Variants in GSX2 observed in about 807,000 individuals in gnomAD.
The protein encoded by GSX2 is genetic-screened homeobox 2.
A neutral mutation model predicts 19.2 loss-of-function variants in GSX2; 16 were observed. The ratio of observed to expected loss-of-function variants is 0.84; its 90% CI spans 0.57 to 1.27. GSX2 has a LOEUF of 1.27. GSX2 is among the 50% of genes most tolerant of loss of function. The pLI is 0.00. For missense variants in GSX2, 448 were observed against 428.4 expected (o/e 1.05, Z -0.40); for synonymous variants, 217 against 196.4 (o/e 1.10, Z -0.88).
chr4:54,100,592 C>A lies in GSX2; in HGVS notation c.248C>A (p.Ala83Glu). ...TCTGTGGGCGCCGGCAGCGGGGGCG[C>A]AGGGGCCGGGGTTACCGGGGCCGGA... ...RGSVGAGSGG[A>E]GAGVTGAGGS... The change falls in exon 1 of 2, where the codon GCA (alanine) becomes GAA (glutamate). Residue 83 changes from alanine (A) to glutamate (E), a missense_variant. Coordinates refer to ENST00000326902, the MANE Select transcript of GSX2 (RefSeq NM_133267.3). 1 of 1,569,576 alleles carries A rather than the reference C, an allele frequency of 6.4e-7. No individual in the cohort carries two copies. The highest frequency in any genetic ancestry group is 1.4e-5 in the African/African-American group (1 of 73,946).
Position 54,100,806 on chromosome 4 carries a change from A to AGCGGCGGCG in GSX2, c.468_476dup (p.Ala160_Ala162dup). On this transcript the variant is annotated inframe_insertion, in exon 1 of 2. Transcript: ENST00000326902. The stretch of plus-strand genomic sequence containing the variant: ...CGGCCGCGGCGGCGGCAGCAGCAGC[A>AGCGGCGGCG]GCGGCGGCGGCGGCCGCGGCGGCCT... 3 of 1,453,232 alleles carry AGCGGCGGCG rather than the reference A, an allele frequency of 2.1e-6. No homozygotes were observed. Among genetic ancestry groups the AGCGGCGGCG allele is most frequent in the Admixed American group, 6.6e-5 (2 of 30,210 alleles). The allele number at this position is 1,453,232 out of a possible 1,614,324, so 90.0% of individuals were successfully genotyped here.
At chr4:54,100,950 G>T (rs1480099915) in intron 1 of GSX2, 32 bp downstream of exon 1, 6 of 1,514,676 alleles carry the variant, frequency 4.0e-6, no homozygotes, top group Non-Finnish European at 5.3e-6. Flanking sequence ...CCTGCGCTCC[G>T]CGCCTTTCGC....
chr4:54,102,110 G>A lies in GSX2; in HGVS notation c.*188G>A. 5.3e-6 allele frequency: 3 copies of A among 562,060 alleles called. No individual in the cohort carries two copies. Among genetic ancestry groups the A allele is most frequent in the Non-Finnish European group, 6.3e-6 (2 of 319,396 alleles). 34.8% of individuals were successfully genotyped at this position (562,060 alleles called of 1,614,324 possible). On this transcript the variant is annotated 3_prime_UTR_variant, in exon 2 of 2. Coordinates refer to ENST00000326902, the MANE Select transcript of GSX2 (RefSeq NM_133267.3). Reference sequence around the variant, plus strand: ...GTCTCCTTCTTGACCTGTTTATCTAGGACTCCAACTTGAAGTTACAGATTT... The same window carrying A: ...GTCTCCTTCTTGACCTGTTTATCTAAGACTCCAACTTGAAGTTACAGATTT...
rs1250768323 is a variant in GSX2 at position 54,100,879 on chromosome 4, A to C, written c.535A>C (p.Asn179His). ...ACCTGTCTGCACCGCCACCACCTACAACGTGGCGGACCCGCGGAGATTCCA... is the reference window on the plus strand; with the variant it reads ...ACCTGTCTGCACCGCCACCACCTACCACGTGGCGGACCCGCGGAGATTCCA... ...HAPVCTATTY[N>H]VADPRRFHCL... Residue 179 changes from asparagine to histidine, a missense_variant, in exon 1 of 2, where the codon AAC (asparagine) becomes CAC (histidine). Physicochemically the swap from Asn to His is moderately conservative, Grantham distance 68. Coordinates refer to ENST00000326902, the MANE Select transcript of GSX2 (RefSeq NM_133267.3). The C allele has an allele frequency of 2.5e-6, 4 of 1,573,390 alleles. No individual in the cohort carries two copies. Among genetic ancestry groups the C allele is most frequent in the Non-Finnish European group, 3.4e-6 (4 of 1,167,028 alleles).
Position 54,101,889 on chromosome 4 carries a change from A to G in GSX2, c.882A>G (p.Ser294=), listed in dbSNP as rs1718182524. 6.2e-7 allele frequency: 1 copy of G among 1,611,704 alleles called. No homozygotes were observed. The highest frequency in any genetic ancestry group is 8.5e-7 in the Non-Finnish European group (1 of 1,178,258). ...ATGAGGACTCCCTGTCGCCGGCCTC[A>G]GCCAACGATGACAAGGAGATTTCCC... ...SEDEDSLSPA[S]ANDDKEISPL is the part of the protein sequence containing the mutation. The change falls in exon 2 of 2, where the codon TCA becomes TCG. Residue 294 remains serine (S), a synonymous_variant. Coordinates refer to ENST00000326902, the MANE Select transcript of GSX2 (RefSeq NM_133267.3). This position sits in a 1 kb window ranked among gnomAD's most constrained non-coding sequence, Gnocchi z 5.0.
rs1006369061 is a variant in GSX2, at chr4:54,101,844, G to A, written c.837G>A (p.Val279=). ...HAGCKCVGSQ[V]HYARSEDEDS... Reference sequence around the variant, plus strand: ...GCTGCAAGTGCGTCGGGAGCCAGGTGCACTACGCGCGCTCCGAGGATGAGG... The same window carrying A: ...GCTGCAAGTGCGTCGGGAGCCAGGTACACTACGCGCGCTCCGAGGATGAGG... The change falls in exon 2 of 2, where the codon GTG becomes GTA. Residue 279 remains valine (V), a synonymous_variant. Transcript: ENST00000326902. This position sits in a 1 kb window ranked among gnomAD's most constrained non-coding sequence, Gnocchi z 5.0. The A allele has an allele frequency of 3.7e-6, 6 of 1,614,176 alleles. No homozygotes were observed. The highest frequency in any genetic ancestry group is 5.1e-6 in the Non-Finnish European group (6 of 1,180,028).
At position 54,100,845 on chromosome 4, in the gene GSX2, G is replaced by A. The variant is rs1455118007; in HGVS notation, c.501G>A (p.Gln167=). The change falls in exon 1 of 2, where the codon CAG becomes CAA. Residue 167 remains glutamine, a synonymous_variant. Coordinates refer to ENST00000326902, the MANE Select transcript of GSX2 (RefSeq NM_133267.3). Reference sequence around the variant, plus strand: ...CCGCGGCGGCCTTGGGGCACCCGCAGCACCACGCACCTGTCTGCACCGCCA... The same window carrying A: ...CCGCGGCGGCCTTGGGGCACCCGCAACACCACGCACCTGTCTGCACCGCCA... ...AAAAAALGHP[Q]HHAPVCTATT... The A allele has an allele frequency of 3.9e-6, 6 of 1,537,414 alleles. No homozygotes were observed. The highest frequency in any genetic ancestry group is 5.2e-6 in the Non-Finnish European group (6 of 1,150,304).
At position 54,101,508 on chromosome 4, in the gene GSX2, G is replaced by T; in HGVS notation, c.575-74G>T. 1.0e-6 allele frequency: 1 copy of T among 1,004,912 alleles called. No individual in the cohort carries two copies. Among genetic ancestry groups the T allele is most frequent in the Non-Finnish European group, 1.5e-6 (1 of 664,864 alleles). The allele number at this position is 1,004,912 out of a possible 1,614,324, so 62.2% of individuals were successfully genotyped here. ...TTCCCCGGGTGGGTCCCTGAAATGC[G>T]TCCTGGTTAGCACATGGGGTGGGAG... On this transcript the variant is annotated intron_variant, in intron 1 of 1. Coordinates refer to ENST00000326902, the MANE Select transcript of GSX2 (RefSeq NM_133267.3). The surrounding 1 kb of genome is among the most constrained non-coding windows in gnomAD (Gnocchi z 5.0).
Position 54,101,061 on chromosome 4 carries a change from CAGAA to C in GSX2, c.574+144_574+147del, listed in dbSNP as rs1356299585. The C allele has an allele frequency of 4.1e-6, 3 of 723,898 alleles. No individual in the cohort carries two copies. In the Admixed American group the frequency reaches 1.1e-4, roughly 26 times the overall value. 44.8% of individuals were successfully genotyped at this position (723,898 alleles called of 1,614,324 possible). The stretch of plus-strand genomic sequence containing the variant: ...TTTAGTGTAACCGTAGAGTCAGCCA[CAGAA>C]GTTCCACGAAAGTGGAAGTTAGTTT... On this transcript the variant is annotated intron_variant, in intron 1 of 1. Coordinates refer to ENST00000326902, the MANE Select transcript of GSX2 (RefSeq NM_133267.3). The surrounding 1 kb of genome is among the most constrained non-coding windows in gnomAD (Gnocchi z 5.0).
chr4:54,101,413 G>T lies in GSX2; in HGVS notation c.575-169G>T, dbSNP rs550900040. 2.6e-5 allele frequency among the ~76,000 whole-genome samples: 4 copies of T among 152,162 alleles called. No individual in the cohort carries two copies. The highest frequency in any genetic ancestry group is 2.0e-4 in the Admixed American group (3 of 15,268). ...TCGAAGACCTTTATTTGCTTTGCAC[G>T]TCTCTTTTCTTCCCCGCTAAGCAAC... On this transcript the variant is annotated intron_variant, in intron 1 of 1. Transcript: ENST00000326902. The surrounding 1 kb of genome is among the most constrained non-coding windows in gnomAD (Gnocchi z 5.0).
At position 54,100,178 on chromosome 4, in the gene GSX2, C is replaced by A; in HGVS notation, c.-167C>A. The stretch of plus-strand genomic sequence containing the variant: ...GGCGCCGGGCGGGGGACGTGAGGAC[C>A]AGCCCTCTCCGGGGACCCCTTTGTT... On this transcript the variant is annotated 5_prime_UTR_variant, in exon 1 of 2. Coordinates refer to ENST00000326902, the MANE Select transcript of GSX2 (RefSeq NM_133267.3). 1 of 965,228 alleles carries A rather than the reference C, an allele frequency of 1.0e-6. No individual in the cohort carries two copies. The highest frequency in any genetic ancestry group is 1.5e-6 in the Non-Finnish European group (1 of 666,154). 59.8% of individuals were successfully genotyped at this position (965,228 alleles called of 1,614,324 possible).
At position 54,100,822 on chromosome 4, in the gene GSX2, G is replaced by T; in HGVS notation, c.478G>T (p.Ala160Ser). Residue 160 changes from alanine (A) to serine (S), a missense_variant, in exon 1 of 2, where the codon GCG becomes TCG. Physicochemically the swap from Ala to Ser is moderately conservative, Grantham distance 99. Transcript: ENST00000326902. ...AAAAAAAAAA[A>S]AALGHPQHHA... ...AGCAGCAGCAGCGGCGGCGGCGGCC[G>T]CGGCGGCCTTGGGGCACCCGCAGCA... The T allele has an allele frequency of 6.9e-7, 1 of 1,452,172 alleles. No individual in the cohort carries two copies. The highest frequency in any genetic ancestry group is 9.0e-7 in the Non-Finnish European group (1 of 1,112,334). The allele number at this position is 1,452,172 out of a possible 1,614,324, so 90.0% of individuals were successfully genotyped here.
Position 54,101,045 on chromosome 4 carries a change from A to C in GSX2, c.574+127A>C, listed in dbSNP as rs1039238639. 11 of 817,128 alleles carry C rather than the reference A, an allele frequency of 1.3e-5. No individual in the cohort carries two copies. Among genetic ancestry groups the C allele is most frequent in the African/African-American group, 1.8e-5 (1 of 54,372 alleles). The allele number at this position is 817,128 out of a possible 1,614,324, so 50.6% of individuals were successfully genotyped here. On this transcript the variant is annotated intron_variant, in intron 1 of 1. Transcript: ENST00000326902. The surrounding 1 kb of genome is among the most constrained non-coding windows in gnomAD (Gnocchi z 5.0). ...AGAGAGAGGACGGGCTTTTAGTGTA[A>C]CCGTAGAGTCAGCCACAGAAGTTCC... is the stretch of plus-strand genomic sequence containing the variant.
At position 54,100,289 on chromosome 4, in the gene GSX2, A is replaced by G. The variant is rs952131842; in HGVS notation, c.-56A>G. ...CTCCCAGGGCAGAGCTTAGAACACT[A>G]GAGGAGAGGGGTCGCCGCGAACTGC... On this transcript the variant is annotated 5_prime_UTR_variant, in exon 1 of 2. Transcript: ENST00000326902. The G allele has an allele frequency of 8.1e-6, 13 of 1,598,616 alleles. No homozygotes were observed. Among genetic ancestry groups the G allele is most frequent in the East Asian group, 2.3e-5 (1 of 44,416 alleles).
At position 54,101,290 on chromosome 4, in the gene GSX2, G is replaced by A. The variant is rs1268941893; in HGVS notation, c.575-292G>A. ...GCGGCTAAAGCGTCTTGACGTTTTTGGCTAAGCCTGCGCGCTTCTCCGCTT... is the reference window on the plus strand; with the variant it reads ...GCGGCTAAAGCGTCTTGACGTTTTTAGCTAAGCCTGCGCGCTTCTCCGCTT... On this transcript the variant is annotated intron_variant, in intron 1 of 1. Coordinates refer to ENST00000326902, the MANE Select transcript of GSX2 (RefSeq NM_133267.3). The surrounding 1 kb of genome is among the most constrained non-coding windows in gnomAD (Gnocchi z 5.0). 6.6e-6 allele frequency among the ~76,000 whole-genome samples: 1 copy of A among 152,182 alleles called. No individual in the cohort carries two copies. The highest frequency in any genetic ancestry group is 1.5e-5 in the Non-Finnish European group (1 of 68,026).
Position 54,101,196 on chromosome 4 carries a change from A to G in GSX2, c.574+278A>G, listed in dbSNP as rs1315149044. On this transcript the variant is annotated intron_variant, in intron 1 of 1. Transcript: ENST00000326902. The surrounding 1 kb of genome is among the most constrained non-coding windows in gnomAD (Gnocchi z 5.0). ...AGGGACCTCGAACGTCACGGCGGAT[A>G]AACCAGAGGTTAACTGCTTGGGATT... Among the ~76,000 whole-genome samples the G allele has an allele frequency of 6.6e-6, 1 of 152,130 alleles. No homozygotes were observed. Among genetic ancestry groups the G allele is most frequent in the Non-Finnish European group, 1.5e-5 (1 of 68,020 alleles).
In GSX2 at chr4:54,102,302, A is replaced by G. The variant is rs1718190227; in HGVS notation, c.*380A>G. 1 of 166,948 alleles carries G rather than the reference A, an allele frequency of 6.0e-6. No individual in the cohort carries two copies. The highest frequency in any genetic ancestry group is 1.3e-5 in the Non-Finnish European group (1 of 78,560). 10.3% of individuals were successfully genotyped at this position (166,948 alleles called of 1,614,324 possible). On this transcript the variant is annotated 3_prime_UTR_variant, in exon 2 of 2. Coordinates refer to ENST00000326902, the MANE Select transcript of GSX2 (RefSeq NM_133267.3). The stretch of plus-strand genomic sequence containing the variant: ...GATAAGAACACAGGATTTATTGATT[A>G]TTTTCTGTTGTCGTTTTCAAACAAA...
chr4:54,100,183 C>G lies in GSX2; in HGVS notation c.-162C>G, dbSNP rs1718130997. The G allele has an allele frequency of 4.8e-6, 5 of 1,037,988 alleles. No homozygotes were observed. The East Asian group carries it at 7.9e-5, about 16-fold the overall frequency. The allele number at this position is 1,037,988 out of a possible 1,614,324, so 64.3% of individuals were successfully genotyped here. A position where few individuals can be genotyped will look rare whatever the true frequency, so the allele number is the denominator to read the frequency against. On this transcript the variant is annotated 5_prime_UTR_variant, in exon 1 of 2. Transcript: ENST00000326902. The stretch of plus-strand genomic sequence containing the variant: ...CGGGCGGGGGACGTGAGGACCAGCC[C>G]TCTCCGGGGACCCCTTTGTTCCCAG...
rs771516031 is a variant in GSX2, at chr4:54,100,851, C to A, written c.507C>A (p.His169Gln). 1.9e-6 allele frequency: 3 copies of A among 1,552,510 alleles called. No homozygotes were observed. Among genetic ancestry groups the A allele is most frequent in the South Asian group, 2.3e-5 (2 of 85,780 alleles). The change falls in exon 1 of 2, where the codon CAC becomes CAA. Residue 169 changes from histidine (H) to glutamine (Q), a missense_variant. Physicochemically the swap from His to Gln is conservative, Grantham distance 24. Transcript: ENST00000326902. ...AAAALGHPQH[H>Q]APVCTATTYN... ...CGGCCTTGGGGCACCCGCAGCACCA[C>A]GCACCTGTCTGCACCGCCACCACCT... is the stretch of plus-strand genomic sequence containing the variant.
Sources: allele counts gnomAD v4.1 joint callset (sites outside exome capture counted in the v4.1 genomes callset), GRCh38; gene constraint gnomAD v4.1.1; non-coding constraint Gnocchi (gnomAD v3.1); transcripts MANE v1.5; gene names NCBI Gene and HGNC (gene_info 2026-07-23, HGNC 2026-07-21).